Variants in DNAL4 observed in about 807,000 individuals in gnomAD.
DNAL4 encodes dynein light chain, outer arm 4.
A neutral mutation model predicts 12.6 loss-of-function variants in DNAL4; 10 were observed. The ratio of observed to expected loss-of-function variants is 0.79; its 90% CI spans 0.49 to 1.34. The LOEUF (loss-of-function observed/expected upper bound fraction) is 1.34, where lower values mean the gene tolerates loss of function less well. Among genes scored for constraint, DNAL4 ranks in the 40% most tolerant of loss-of-function variants. The pLI, the probability that DNAL4 is intolerant of heterozygous loss-of-function variation, is 0.00. For missense variants in DNAL4, 128 were observed against 138.1 expected, an observed-to-expected ratio of 0.93 and a Z score of 0.37; for synonymous variants, 46 against 53.1, an observed-to-expected ratio of 0.87 and a Z score of 0.58.
chr22:38,780,932 G>T lies in DNAL4; in HGVS notation c.147C>A (p.Asn49Lys). Residue 49 changes from asparagine (N) to lysine (K), a missense_variant, in exon 3 of 4, where the codon AAC (asparagine) becomes AAA (lysine). Transcript: ENST00000216068. ...CCTGCACTGCTGGCAATACCTCGTTGTTGTTGGAGAATTTCTCACAGGCTG... is the reference window on the plus strand; with the variant it reads ...CCTGCACTGCTGGCAATACCTCGTTTTTGTTGGAGAATTTCTCACAGGCTG... ...CVTACEKFSN[N>K]NESAAKMIKE... 6.2e-7 allele frequency: 1 copy of T among 1,614,248 alleles called. No homozygotes were observed. Among genetic ancestry groups the T allele is most frequent in the Non-Finnish European group, 8.5e-7 (1 of 1,180,030 alleles).
At chr22:38,792,819 T>C (rs769661604) in intron 1 of DNAL4, among the ~76,000 whole-genome samples, 15 of 152,206 alleles carry the variant, frequency 9.9e-5, no homozygotes, top group Non-Finnish European at 1.9e-4. Context: ...TACGGTTAAA[T>C]TTTATTTTCT....
intron 1 of DNAL4, among the ~76,000 whole-genome samples, chr22:38,783,986 G>C (rs1182176181): frequency 6.6e-6 from 1 of 150,576 alleles, no homozygotes; most frequent in Non-Finnish European, 1.5e-5. Flanking sequence ...TTTAATCTCA[G>C]AAGTACTGAC....
rs903680396 is a variant in DNAL4 at position 38,794,112 on chromosome 22, C to G, written c.-184G>C. On this transcript the variant is annotated 5_prime_UTR_variant, in exon 1 of 4. Transcript: ENST00000216068. ...AGCCGGGGCCGCAGCCAGCGAACCC[C>G]CGCCAGGGTTGTCAAGGAGCGAAAC... 2 of 152,268 alleles carry G rather than the reference C, an allele frequency of 1.3e-5. No individual in the cohort carries two copies. The highest frequency in any genetic ancestry group is 4.8e-5 in the African/African-American group (2 of 41,472). 9.4% of individuals were successfully genotyped at this position (152,268 alleles called of 1,614,324 possible).
intron 3 of DNAL4, 135 bp downstream of exon 3, chr22:38,780,791 C>T (rs756551361): frequency 1.2e-5 from 10 of 849,122 alleles, no homozygotes; most frequent in Non-Finnish European, 1.5e-5. Context: ...TTTCCCCAGA[C>T]TGAATGCTTC....
At chr22:38,788,549 G>A (rs1206238441) in intron 1 of DNAL4, among the ~76,000 whole-genome samples, 1 of 152,148 alleles carries the variant, frequency 6.6e-6, no homozygotes, top group East Asian at 1.9e-4. Context: ...CCTCATGTCC[G>A]ACACCATGTG....
In DNAL4 at chr22:38,782,195, C is replaced by A. The variant is rs1447222722; in HGVS notation, c.69+468G>T. Among the ~76,000 whole-genome samples the A allele has an allele frequency of 6.6e-6, 1 of 152,206 alleles. No homozygotes were observed. Among genetic ancestry groups the A allele is most frequent in the Non-Finnish European group, 1.5e-5 (1 of 68,040 alleles). On this transcript the variant is annotated intron_variant, in intron 2 of 3. Coordinates refer to ENST00000216068, the MANE Select transcript of DNAL4 (RefSeq NM_005740.3). The surrounding 1 kb of genome is among the most constrained non-coding windows in gnomAD (Gnocchi z 5.1). ...GCCTCCAAAATGCCAAGTTCATTCCCATCCCAGGCTTCCCGTGCCTCTGTT... is the reference window on the plus strand; with the variant it reads ...GCCTCCAAAATGCCAAGTTCATTCCAATCCCAGGCTTCCCGTGCCTCTGTT...
chr22:38,787,083 A>G (rs915284393), intron 1 of DNAL4, among the ~76,000 whole-genome samples: 22 of 152,074 alleles, frequency 1.4e-4, no homozygotes, highest in Admixed American at 1.4e-3. Flanking sequence ...TGTACCACCC[A>G]CCATGCACCT....
chr22:38,792,824 T>C (rs1461750981), intron 1 of DNAL4, among the ~76,000 whole-genome samples: 1 of 152,212 alleles, frequency 6.6e-6, no homozygotes, highest in African/African-American at 2.4e-5. Flanking sequence ...TTAAATTTTA[T>C]TTTCTTATAA....
Position 38,782,702 on chromosome 22 carries a change from C to T in DNAL4, c.30G>A (p.Glu10=). The T allele has an allele frequency of 6.2e-7, 1 of 1,613,380 alleles. No individual in the cohort carries two copies. Residue 10 remains glutamate (E), a synonymous_variant, in exon 2 of 4, where the codon GAG becomes GAA. Transcript: ENST00000216068. This position sits in a 1 kb window ranked among gnomAD's most constrained non-coding sequence, Gnocchi z 5.1. ...AGGTCTGCAGTCGCTTATAATCAGC[C>T]TCATCTTTCTTCCCTTCTGTTTCTC... MGETEGKKD[E]ADYKRLQTFP... is the part of the protein sequence containing the mutation.
chr22:38,791,406 T>A (rs1428038608), intron 1 of DNAL4, among the ~76,000 whole-genome samples: 2 of 151,878 alleles, frequency 1.3e-5, no homozygotes, highest in Non-Finnish European at 2.9e-5. Context: ...CAGGCTGGAG[T>A]GCAAAGCCGT....
chr22:38,792,669 G>A (rs944002426), intron 1 of DNAL4, among the ~76,000 whole-genome samples: 3 of 152,180 alleles, frequency 2.0e-5, no homozygotes, highest in African/African-American at 7.2e-5. Flanking sequence ...GGGTCAGGAT[G>A]CTTAGTGTCA....
In DNAL4 at chr22:38,793,394, A is replaced by T. The variant is rs114739535; in HGVS notation, c.-140+674T>A. On this transcript the variant is annotated intron_variant, in intron 1 of 3. Coordinates refer to ENST00000216068, the MANE Select transcript of DNAL4 (RefSeq NM_005740.3). ...CAGAATTACCAAAGGAGATGCACCG[A>T]CGTATACTGATTTTACATATGCACT... 5.6e-3 allele frequency among the ~76,000 whole-genome samples: 849 copies of T among 152,340 alleles called. 6 individuals carry two copies. Among genetic ancestry groups the T allele is most frequent in the African/African-American group, 0.019 (809 of 41,578 alleles).
intron 1 of DNAL4, among the ~76,000 whole-genome samples, chr22:38,786,989 C>T (rs2093043188): frequency 6.6e-6 from 1 of 152,098 alleles, no homozygotes. Context: ...AAATAAGGCC[C>T]AAAATATCTG....
At chr22:38,788,943 G>A (rs1200003701) in intron 1 of DNAL4, among the ~76,000 whole-genome samples, 1 of 152,214 alleles carries the variant, frequency 6.6e-6, no homozygotes, top group Admixed American at 6.5e-5. Context: ...ATGCCCCAGA[G>A]CACAAAGGCC....
chr22:38,791,129 T>C (rs962865039), intron 1 of DNAL4, among the ~76,000 whole-genome samples: 5 of 147,384 alleles, frequency 3.4e-5, no homozygotes, highest in Admixed American at 1.4e-4. Context: ...ATCACACCAC[T>C]GCACTCCAGC....
chr22:38,793,396 G>A (rs985739206), intron 1 of DNAL4, among the ~76,000 whole-genome samples: 8 of 152,198 alleles, frequency 5.3e-5, no homozygotes, highest in Admixed American at 3.9e-4. Context: ...ATGCACCGAC[G>A]TATACTGATT....
intron 1 of DNAL4, among the ~76,000 whole-genome samples, chr22:38,786,656 G>A (rs1339088699): frequency 6.6e-6 from 1 of 152,198 alleles, no homozygotes; most frequent in African/African-American, 2.4e-5. Flanking sequence ...AGCCCATCTG[G>A]CCCACAGTGG....
chr22:38,780,795 A>G (rs2093033094), intron 3 of DNAL4, 131 bp downstream of exon 3: 7 of 872,616 alleles, frequency 8.0e-6, no homozygotes, highest in Admixed American at 5.3e-5. Flanking sequence ...CCCAGACTGA[A>G]TGCTTCCAAG....
intron 1 of DNAL4, chr22:38,785,903 A>T (rs564388609): frequency 6.6e-6 from 1 of 152,376 alleles, no homozygotes; most frequent in South Asian, 2.1e-4. Context: ...ACCAGCGTTA[A>T]TCAGCCAGGA....
Sources: allele counts gnomAD v4.1 joint callset (sites outside exome capture counted in the v4.1 genomes callset), GRCh38; gene constraint gnomAD v4.1.1; non-coding constraint Gnocchi (gnomAD v3.1); transcripts MANE v1.5; gene names NCBI Gene and HGNC (gene_info 2026-07-23, HGNC 2026-07-21).